Variants in CLCNKA observed in about 807,000 individuals in gnomAD.
CLCNKA encodes chloride voltage-gated channel Ka, also known as chloride channel protein ClC-Ka.
CLCNKA carries 66 observed loss-of-function variants against 83.3 expected under a neutral mutation model. The ratio of observed to expected loss-of-function variants is 0.79; its 90% CI spans 0.65 to 0.97. CLCNKA has a LOEUF of 0.97. CLCNKA is among the 50% of genes least tolerant of loss of function. The probability of loss-of-function intolerance (pLI) is 0.00; values close to 1 mark genes in which losing one functional copy is unlikely to be tolerated. For missense variants in CLCNKA, 806 were observed against 888.7 expected (o/e 0.91, Z 1.18); for synonymous variants, 357 against 370.4 (o/e 0.96, Z 0.42).
At position 16,024,843 on chromosome 1, in the gene CLCNKA, G is replaced by T; in HGVS notation, c.310G>T (p.Val104Phe). Residue 104 changes from valine (V) to phenylalanine (F), a missense_variant, in exon 4 of 20, where the codon GTC becomes TTC. Physicochemically the swap from Val to Phe is conservative, Grantham distance 50. Coordinates refer to ENST00000331433, the MANE Select transcript of CLCNKA (RefSeq NM_004070.4). The part of the protein sequence containing the change: ...LSWTVYPVAL[V>F]SFSSGFSQSI... ...CTGGACTGTGTACCCTGTGGCCCTC[G>T]TCTCTTTCTCCTCAGGCTTCTCCCA... 2 of 1,614,044 alleles carry T rather than the reference G, an allele frequency of 1.2e-6. No homozygotes were observed. The highest frequency in any genetic ancestry group is 1.7e-6 in the Non-Finnish European group (2 of 1,180,014).
rs368182500 is a variant in CLCNKA, at chr1:16,024,902, G to C, written c.358+11G>C. 1 of 1,614,014 alleles carries C rather than the reference G, an allele frequency of 6.2e-7. No individual in the cohort carries two copies. The highest frequency in any genetic ancestry group is 1.1e-5 in the South Asian group (1 of 91,082). On this transcript the variant is annotated intron_variant, in intron 4 of 19. Coordinates refer to ENST00000331433, the MANE Select transcript of CLCNKA (RefSeq NM_004070.4). ...CGCCCTCCTCTGGAGGTGAGTCCAC[G>C]GTCGCCATGCCAGTCCCCAGTGCCA...
chr1:16,024,703 T>C (rs559022808), intron 3 of CLCNKA, 60 bp from the exon 4 acceptor site: 68 of 1,608,210 alleles, frequency 4.2e-5, no homozygotes, highest in East Asian at 2.0e-4. Context: ...GGCACCACAG[T>C]GTCTGGCCCT....
intron 3 of CLCNKA, among the ~76,000 whole-genome samples, chr1:16,024,287 A>G (rs572581598): frequency 2.0e-5 from 3 of 152,294 alleles, no homozygotes; most frequent in Admixed American, 6.5e-5. Context: ...CTGCTCCCTC[A>G]GCAGCCTGCC....
rs563161731 is a variant in CLCNKA, at chr1:16,028,464, G to A, written c.969-297G>A. The A allele has an allele frequency of 4.7e-4, 291 of 617,284 alleles. 2 individuals carry two copies. In the South Asian group the frequency reaches 5.2e-3, roughly 11 times the overall value. 38.2% of individuals were successfully genotyped at this position (617,284 alleles called of 1,614,324 possible). A position where few individuals can be genotyped will look rare whatever the true frequency, so the allele number is the denominator to read the frequency against. ...CCTGCCCCGGAGATGCACATGGCCC[G>A]CCCCGGCCCGGCCCACTGTCTCCTC... is the stretch of plus-strand genomic sequence containing the variant. On this transcript the variant is annotated intron_variant, in intron 10 of 19. Transcript: ENST00000331433.
At chr1:16,029,827 G>A in intron 13 of CLCNKA, 27 bp downstream of exon 13, 1 of 1,614,016 alleles carries the variant, frequency 6.2e-7, no homozygotes, top group South Asian at 1.1e-5. Context: ...GAGGTTCTGA[G>A]AGTTTTGGGG....
In CLCNKA at chr1:16,028,883, C is replaced by T. The variant is rs999938458; in HGVS notation, c.1053+38C>T. The stretch of plus-strand genomic sequence containing the variant: ...GAGCGGGGGTGGCAGGAGTGGGAAC[C>T]CCCATTTGTTTTCCCCTTTGCATGT... On this transcript the variant is annotated intron_variant, in intron 11 of 19. Transcript: ENST00000331433. 10 of 1,605,810 alleles carry T rather than the reference C, an allele frequency of 6.2e-6. No individual in the cohort carries two copies. The African/African-American group carries it at 1.1e-4, about 17-fold the overall frequency.
At chr1:16,026,299 C>CCCA in intron 5 of CLCNKA, 52 bp downstream of exon 5, 1 of 1,601,776 alleles carries the variant, frequency 6.2e-7, no homozygotes, top group Non-Finnish European at 8.5e-7. Flanking sequence ...CTACCCTGCC[C>CCCA]CAGCTCTCCC....
At chr1:16,022,902 G>C (rs2022194220) in intron 2 of CLCNKA, among the ~76,000 whole-genome samples, 183 bp downstream of exon 2, 2 of 152,248 alleles carry the variant, frequency 1.3e-5, no homozygotes. Flanking sequence ...CTGTGGGTCA[G>C]ATGGGCCAGG....
At chr1:16,027,235 C>T (rs1236668075) in intron 7 of CLCNKA, 75 bp from the exon 8 acceptor site, 4 of 1,591,038 alleles carry the variant, frequency 2.5e-6, no homozygotes, top group Admixed American at 3.3e-5. Flanking sequence ...AGGGAGGAGG[C>T]GAGATGGGGG....
intron 11 of CLCNKA, 91 bp downstream of exon 11, chr1:16,028,936 C>T: frequency 6.5e-7 from 1 of 1,529,086 alleles, no homozygotes; most frequent in Non-Finnish European, 9.0e-7. Flanking sequence ...CAGCACCCCA[C>T]CAGGGTGACA....
chr1:16,026,495 GTC>G, intron 5 of CLCNKA, 39 bp from the exon 6 acceptor site: 1 of 1,611,644 alleles, frequency 6.2e-7, no homozygotes, highest in Non-Finnish European at 8.5e-7. Flanking sequence ...GGGTGAGACT[GTC>G]TCTGCTGCCC....
At chr1:16,028,645 C>A in intron 10 of CLCNKA, 116 bp from the exon 11 acceptor site, 1 of 1,305,584 alleles carries the variant, frequency 7.7e-7, no homozygotes, top group Non-Finnish European at 1.1e-6. Flanking sequence ...CAGTCCTTGC[C>A]TCGGTATCAG....
intron 12 of CLCNKA, 60 bp downstream of exon 12, chr1:16,029,359 G>T (rs773604145): frequency 6.2e-7 from 1 of 1,609,538 alleles, no homozygotes; most frequent in African/African-American, 1.3e-5. Context: ...GGGGAGGGGC[G>T]GGGGTGCCTC....
intron 18 of CLCNKA, 41 bp from the exon 19 acceptor site, chr1:16,033,129 G>A (rs368110943): frequency 2.2e-5 from 35 of 1,595,744 alleles, no homozygotes; most frequent in Admixed American, 3.3e-5. Context: ...TGGGCTGGGC[G>A]CCATCTACCC....
chr1:16,026,498 T>A (rs768109067), intron 5 of CLCNKA, 38 bp from the exon 6 acceptor site: 1 of 1,612,672 alleles, frequency 6.2e-7, no homozygotes, highest in Non-Finnish European at 8.5e-7. Flanking sequence ...TGAGACTGTC[T>A]CTGCTGCCCT....
Position 16,031,838 on chromosome 1 carries a change from G to T in CLCNKA, c.1751G>T (p.Ser584Ile), listed in dbSNP as rs778093102. Residue 584 changes from serine (S) to isoleucine (I), a missense_variant, in exon 16 of 20, where the codon AGC becomes ATC. Physicochemically the swap from Ser to Ile is moderately radical, Grantham distance 142 (BLOSUM62 -2). Coordinates refer to ENST00000331433, the MANE Select transcript of CLCNKA (RefSeq NM_004070.4). ...TDVTEYPLVE[S>I]TESQILVGIV... ...GTGACCGAGTATCCCCTGGTGGAGA[G>T]CACAGGTGCCCAGCTGGAAGGGAGG... is the stretch of plus-strand genomic sequence containing the variant. 3 of 1,613,712 alleles carry T rather than the reference G, an allele frequency of 1.9e-6. No homozygotes were observed. Among genetic ancestry groups the T allele is most frequent in the Admixed American group, 3.3e-5 (2 of 60,000 alleles).
At chr1:16,026,393 C>G in intron 5 of CLCNKA, 143 bp from the exon 6 acceptor site, 1 of 1,460,028 alleles carries the variant, frequency 6.8e-7, no homozygotes, top group Admixed American at 1.9e-5. Flanking sequence ...AGAGCCAGGC[C>G]AGGTCCCCAG....
rs575388386 is a variant in CLCNKA at position 16,031,193 on chromosome 1, C to A, written c.1623-517C>A. Among the ~76,000 whole-genome samples the A allele has an allele frequency of 2.6e-3, 390 of 152,340 alleles. 1 individual carries two copies. The highest frequency in any genetic ancestry group is 9.0e-3 in the African/African-American group (375 of 41,570). ...AGAGTCCGAATCGGAGGCCCCGCTC[C>A]AAACACAAACAAGCTGCTGCCTTGC... On this transcript the variant is annotated intron_variant, in intron 15 of 19. Transcript: ENST00000331433.
chr1:16,030,932 C>T (rs1171167660), intron 15 of CLCNKA, among the ~76,000 whole-genome samples: 3 of 152,152 alleles, frequency 2.0e-5, no homozygotes, highest in East Asian at 1.9e-4. Flanking sequence ...AGTATTGCCC[C>T]GTGTACAGAT....
Sources: gnomAD v4.1 joint callset for allele counts (sites outside exome capture counted in the v4.1 genomes callset) on GRCh38, gnomAD v4.1.1 for gene constraint, MANE v1.5 for transcripts, NCBI Gene and HGNC (gene_info 2026-07-23, HGNC 2026-07-21) for gene names.